CIRSR: variants seen among roughly 807,000 people sequenced by gnomAD.
CIRSR encodes the protein corepressor of RBPJ and splicing regulator.
the CIRSR span, among the ~76,000 whole-genome samples, chr2:174,388,920 G>A: frequency 2.6e-5 from 4 of 152,138 alleles, no homozygotes; most frequent in Admixed American, 2.6e-4. Context: ...GGTTTTATAA[G>A]GGGTTTTTCC....
chr2:174,394,289 C>T, the CIRSR span, among the ~76,000 whole-genome samples: 1 of 152,116 alleles, frequency 6.6e-6, no homozygotes, highest in African/African-American at 2.4e-5. Context: ...TCCATCTAAT[C>T]TCTTCATTCT....
At chr2:174,386,384 G>A in the CIRSR span, among the ~76,000 whole-genome samples, 1 of 152,144 alleles carries the variant, frequency 6.6e-6, no homozygotes, top group African/African-American at 2.4e-5. Context: ...GTTTCTCCAT[G>A]TTGGTCAGGC....
chr2:174,390,901 T>C, the CIRSR span, among the ~76,000 whole-genome samples: 2 of 152,236 alleles, frequency 1.3e-5, no homozygotes, highest in Non-Finnish European at 2.9e-5. Context: ...TTAAGTTTCC[T>C]GAGGCCTCCC....
At chr2:174,366,814 C>T in the CIRSR span, among the ~76,000 whole-genome samples, 1 of 152,190 alleles carries the variant, frequency 6.6e-6, no homozygotes, top group African/African-American at 2.4e-5. Context: ...AATTGGGTTA[C>T]TCTGTTATGA....
the CIRSR span, among the ~76,000 whole-genome samples, chr2:174,384,118 A>C: frequency 1.3e-5 from 2 of 152,250 alleles, no homozygotes; most frequent in Non-Finnish European, 2.9e-5. Flanking sequence ...CAAAAGGTGG[A>C]AGTAACCCAA....
the CIRSR span, chr2:174,387,728 A>G: frequency 2.3e-5 from 37 of 1,598,322 alleles, no homozygotes; most frequent in South Asian, 4.2e-4. Context: ...TGCTGCATCA[A>G]TTCTTCTTGT....
chr2:174,390,624 G>C, the CIRSR span, among the ~76,000 whole-genome samples: 1 of 152,182 alleles, frequency 6.6e-6, no homozygotes, highest in African/African-American at 2.4e-5. Context: ...GGCTGGGGTG[G>C]AATGGTATGG....
At chr2:174,389,540 C>G in the CIRSR span, among the ~76,000 whole-genome samples, 6 of 152,128 alleles carry the variant, frequency 3.9e-5, no homozygotes, top group African/African-American at 1.2e-4. Context: ...TCTGGAAATT[C>G]TGCAGCCTGA....
the CIRSR span, chr2:174,348,327 A>T: frequency 9.9e-7 from 1 of 1,008,488 alleles, no homozygotes; most frequent in Non-Finnish European, 1.4e-6. Flanking sequence ...GTACTCATGT[A>T]GTTTTGTACT....
At chr2:174,368,526 C>T in the CIRSR span, among the ~76,000 whole-genome samples, 1 of 152,068 alleles carries the variant, frequency 6.6e-6, no homozygotes, top group Non-Finnish European at 1.5e-5. Flanking sequence ...ATATTTTGAA[C>T]TAAAGAAAAT....
chr2:174,392,873 A>T, the CIRSR span, among the ~76,000 whole-genome samples: 2 of 152,206 alleles, frequency 1.3e-5, no homozygotes, highest in African/African-American at 4.8e-5. Context: ...AGCCACATCA[A>T]AGTTAAGAAG....
the CIRSR span, among the ~76,000 whole-genome samples, chr2:174,389,709 G>A: frequency 1.3e-5 from 2 of 152,120 alleles, no homozygotes; most frequent in South Asian, 4.2e-4. Flanking sequence ...CCCATCATAG[G>A]CCTGGAGGCC....
chr2:174,395,524 AATCCC>A, the CIRSR span: 2 of 1,610,162 alleles, frequency 1.2e-6, no homozygotes, highest in Non-Finnish European at 1.7e-6. Flanking sequence ...CTGTGGGCCT[AATCCC>A]TCCCCGGGTC....
the CIRSR span, among the ~76,000 whole-genome samples, chr2:174,361,152 T>C: frequency 6.6e-6 from 1 of 152,238 alleles, no homozygotes. Context: ...TATTTTGAGG[T>C]CAGTTCTTTA....
the CIRSR span, among the ~76,000 whole-genome samples, chr2:174,389,081 T>C: frequency 6.6e-6 from 1 of 152,212 alleles, no homozygotes; most frequent in Admixed American, 6.5e-5. Context: ...AGCGTGAGAA[T>C]AGACTAATAT....
the CIRSR span, chr2:174,351,766 T>C: frequency 6.5e-7 from 1 of 1,537,676 alleles, no homozygotes; most frequent in East Asian, 2.3e-5. Flanking sequence ...CATTTATATC[T>C]CTCTACCTTT....
the CIRSR span, among the ~76,000 whole-genome samples, chr2:174,366,709 C>T: frequency 6.6e-6 from 1 of 152,122 alleles, no homozygotes; most frequent in Non-Finnish European, 1.5e-5. Context: ...ACAATGAAAA[C>T]TGCAAAATAC....
the CIRSR span, among the ~76,000 whole-genome samples, chr2:174,357,003 T>C: frequency 6.6e-6 from 1 of 152,216 alleles, no homozygotes; most frequent in Admixed American, 6.5e-5. Context: ...TAAAATGTCA[T>C]CGAATAGTCA....
the CIRSR span, chr2:174,348,880 T>C: frequency 1.2e-6 from 2 of 1,614,258 alleles, no homozygotes; most frequent in South Asian, 1.1e-5. Context: ...TGGTGACTGC[T>C]AGAAAGTTCT....
Sources: allele counts gnomAD v4.1 joint callset (sites outside exome capture counted in the v4.1 genomes callset), GRCh38; gene constraint gnomAD v4.1.1; transcripts MANE v1.5; gene names NCBI Gene and HGNC (gene_info 2026-07-23, HGNC 2026-07-21).